Variants in ACYP2 observed in about 807,000 individuals in gnomAD.
The protein encoded by ACYP2 is acylphosphatase 2, also known as acylphosphatase-2.
ACYP2 carries 12 observed loss-of-function variants against 11.2 expected under a neutral mutation model. That is an observed-to-expected ratio of 1.08 (90% CI 0.69 to 1.74). The LOEUF is 1.74. Among genes scored for constraint, ACYP2 ranks in the 40% most tolerant of loss-of-function variants. The pLI, the probability that ACYP2 is intolerant of heterozygous loss-of-function variation, is 0.00. For synonymous variants in ACYP2, 43 were observed against 32.2 expected, an observed-to-expected ratio of 1.33 and a Z score of -1.13; for missense variants, 134 against 101.9, an observed-to-expected ratio of 1.31 and a Z score of -1.35.
At chr2:54,041,830 G>A (rs1033926010) in intron 2 of ACYP2, among the ~76,000 whole-genome samples, 2 of 151,872 alleles carry the variant, frequency 1.3e-5, no homozygotes, top group African/African-American at 2.4e-5. Context: ...TTGCTCTGTT[G>A]CCCACGTTGG....
chr2:54,116,942 G>A (rs1679844940), intron 4 of ACYP2, among the ~76,000 whole-genome samples: 1 of 152,164 alleles, frequency 6.6e-6, no homozygotes, highest in African/African-American at 2.4e-5. Context: ...AGGTGACTCA[G>A]GATGATTCAG....
intron 4 of ACYP2, among the ~76,000 whole-genome samples, chr2:54,085,792 G>C (rs577770206): frequency 1.1e-4 from 17 of 152,118 alleles, no homozygotes; most frequent in Non-Finnish European, 1.6e-4. Flanking sequence ...TCTCAGTGAA[G>C]AATATATGGC....
intron 6 of ACYP2, among the ~76,000 whole-genome samples, chr2:54,205,576 G>C (rs1685041407): frequency 6.6e-6 from 1 of 152,130 alleles, no homozygotes; most frequent in South Asian, 2.1e-4. Flanking sequence ...GTTGCTGTGA[G>C]GTATTTTCAG....
At chr2:54,295,958 A>T (rs781165880) in intron 6 of ACYP2, among the ~76,000 whole-genome samples, 6 of 152,030 alleles carry the variant, frequency 3.9e-5, no homozygotes, top group Non-Finnish European at 8.8e-5. Flanking sequence ...ACAGAGTTTC[A>T]CCATGTTAGC....
chr2:54,097,885 TC>T (rs1678679984), intron 4 of ACYP2, among the ~76,000 whole-genome samples: 1 of 126,854 alleles, frequency 7.9e-6, no homozygotes, highest in African/African-American at 2.9e-5. Context: ...TCTCTCTCTC[TC>T]CCCTCCCTCC....
intron 6 of ACYP2, among the ~76,000 whole-genome samples, chr2:54,245,029 C>T (rs1028558273): frequency 2.6e-5 from 4 of 152,154 alleles, no homozygotes; most frequent in Non-Finnish European, 5.9e-5. Context: ...TCACCATCTT[C>T]CCCTTCCCCC....
At chr2:54,301,031 T>C (rs1263668192) in intron 6 of ACYP2, among the ~76,000 whole-genome samples, 1 of 152,208 alleles carries the variant, frequency 6.6e-6, no homozygotes, top group Non-Finnish European at 1.5e-5. Context: ...TATTTGCCCA[T>C]TTTTCTATTG....
intron 2 of ACYP2, among the ~76,000 whole-genome samples, chr2:53,992,559 G>A (rs748965568): frequency 6.6e-6 from 1 of 152,122 alleles, no homozygotes; most frequent in Non-Finnish European, 1.5e-5. Context: ...GGTCGGGTGC[G>A]GTGGCTCACG....
chr2:54,246,461 T>A (rs958577457), intron 6 of ACYP2, among the ~76,000 whole-genome samples: 7 of 152,104 alleles, frequency 4.6e-5, no homozygotes, highest in Non-Finnish European at 8.8e-5. Flanking sequence ...TTTCTAAAGC[T>A]TTTTCTTAAG....
chr2:54,099,155 T>G (rs1480208099), intron 4 of ACYP2, among the ~76,000 whole-genome samples: 1 of 152,272 alleles, frequency 6.6e-6, no homozygotes, highest in Non-Finnish European at 1.5e-5. Flanking sequence ...TTGTTTATTT[T>G]TTAATTGGCA....
chr2:54,135,447 A>G lies in ACYP2; in HGVS notation c.278-6A>G, dbSNP rs1572835477. ...TGACAATTCTTTTTATCTTTCTTTT[A>G]TACAGGTGTTTGCTTCAGAATGGTA... On this transcript the variant is annotated splice_region_variant and splice_polypyrimidine_tract_variant and intron_variant, in intron 4 of 6. Coordinates refer to ENST00000607452, the MANE Select transcript of ACYP2 (RefSeq NM_001320586.2). The G allele has an allele frequency of 1.9e-6, 3 of 1,608,022 alleles. No homozygotes were observed. Among genetic ancestry groups the G allele is most frequent in the Non-Finnish European group, 2.5e-6 (3 of 1,177,064 alleles).
At chr2:54,054,713 T>C (rs1676030375) in intron 3 of ACYP2, among the ~76,000 whole-genome samples, 1 of 152,252 alleles carries the variant, frequency 6.6e-6, no homozygotes, top group African/African-American at 2.4e-5. Context: ...TAAGATGCAT[T>C]ACCAAGGTGA....
chr2:54,120,531 T>A (rs1490856454), intron 4 of ACYP2, among the ~76,000 whole-genome samples: 1 of 152,098 alleles, frequency 6.6e-6, no homozygotes, highest in Non-Finnish European at 1.5e-5. Flanking sequence ...TTTGACTGAG[T>A]TTTTTTAGAA....
chr2:54,081,577 G>C (rs1677653346), intron 4 of ACYP2, among the ~76,000 whole-genome samples: 1 of 152,144 alleles, frequency 6.6e-6, no homozygotes, highest in South Asian at 2.1e-4. Flanking sequence ...TACCATCTAG[G>C]TTTGTATAAG....
chr2:54,034,512 A>C (rs1412986647), intron 2 of ACYP2, among the ~76,000 whole-genome samples: 1 of 152,212 alleles, frequency 6.6e-6, no homozygotes, highest in African/African-American at 2.4e-5. Flanking sequence ...TAGGAGTGAT[A>C]GTCTATCCCC....
At chr2:54,203,218 C>T (rs1684928259) in intron 6 of ACYP2, among the ~76,000 whole-genome samples, 1 of 151,740 alleles carries the variant, frequency 6.6e-6, no homozygotes, top group Admixed American at 6.6e-5. Context: ...ATTTATTCTT[C>T]TTGAAGATAC....
intron 6 of ACYP2, among the ~76,000 whole-genome samples, chr2:54,279,626 G>C (rs1209468989): frequency 3.3e-5 from 5 of 150,954 alleles, no homozygotes; most frequent in Admixed American, 6.6e-5. Flanking sequence ...ATCTGAAAGA[G>C]AGCATTTTCA....
In ACYP2 at chr2:54,010,318, T is replaced by C. The variant is rs1425456330; in HGVS notation, c.62+36508T>C. ...GGCCAACATGGTGAAACCCTGTCTC[T>C]ACTAAAAATACAAAAATTAGTTGGG... On this transcript the variant is annotated intron_variant, in intron 2 of 6. Transcript: ENST00000607452. 2.0e-5 allele frequency among the ~76,000 whole-genome samples: 3 copies of C among 152,270 alleles called. No individual in the cohort carries two copies. In the East Asian group the frequency reaches 5.8e-4, roughly 29 times the overall value.
intron 4 of ACYP2, among the ~76,000 whole-genome samples, chr2:54,072,509 C>CT (rs780586783): frequency 0.052 from 3,812 of 72,906 alleles, 75 homozygotes; most frequent in South Asian, 0.13. Context: ...CTCTCTCTCT[C>CT]TCTTTCTTTC....
Sources: allele counts gnomAD v4.1 joint callset (sites outside exome capture counted in the v4.1 genomes callset), GRCh38; gene constraint gnomAD v4.1.1; transcripts MANE v1.5; gene names NCBI Gene and HGNC (gene_info 2026-07-23, HGNC 2026-07-21).